The following ATP8A2 variants were observed in gnomAD, a reference collection of about 807,000 sequenced individuals.
The protein encoded by ATP8A2 is ATPase phospholipid transporting 8A2.
A neutral mutation model predicts 165.6 loss-of-function variants in ATP8A2; 100 were observed. The ratio of observed to expected loss-of-function variants is 0.60; its 90% CI spans 0.51 to 0.71. The LOEUF (loss-of-function observed/expected upper bound fraction) is 0.71. Among genes scored for constraint, ATP8A2 ranks in the 30% least tolerant of loss-of-function variants. ATP8A2 has a pLI of 0.00. For missense variants in ATP8A2, 1,227 were observed against 1,479.5 expected, an observed-to-expected ratio of 0.83 and a Z score of 2.80; for synonymous variants, 543 against 548.8, an observed-to-expected ratio of 0.99 and a Z score of 0.15.
At chr13:25,913,791 T>C (rs1566264358) in intron 33 of ATP8A2, among the ~76,000 whole-genome samples, 1 of 152,212 alleles carries the variant, frequency 6.6e-6, no homozygotes, top group Non-Finnish European at 1.5e-5. Context: ...TACAAAGTCT[T>C]TCTGAGCTTC....
chr13:25,669,451 C>T (rs1006477950), intron 24 of ATP8A2, among the ~76,000 whole-genome samples: 2 of 152,248 alleles, frequency 1.3e-5, no homozygotes, highest in African/African-American at 4.8e-5. Flanking sequence ...GTCATTCCCT[C>T]AATGCTAAAC....
intron 24 of ATP8A2, among the ~76,000 whole-genome samples, chr13:25,698,794 T>C (rs192926008): frequency 6.6e-6 from 1 of 152,324 alleles, no homozygotes; most frequent in Non-Finnish European, 1.5e-5. Flanking sequence ...TTGGATGCTT[T>C]AAAGATTATC....
intron 30 of ATP8A2, among the ~76,000 whole-genome samples, chr13:25,854,949 A>G (rs1952115242): frequency 6.6e-6 from 1 of 152,142 alleles, no homozygotes; most frequent in South Asian, 2.1e-4. Flanking sequence ...GAAACCCTAT[A>G]TTCATTAAGA....
At chr13:25,394,590 G>T (rs2137984647) in intron 1 of ATP8A2, among the ~76,000 whole-genome samples, 1 of 152,244 alleles carries the variant, frequency 6.6e-6, no homozygotes, top group Admixed American at 6.5e-5. Flanking sequence ...GATGACATAG[G>T]TCAGATCTAG....
chr13:25,691,366 C>T (rs2042721579), intron 24 of ATP8A2, among the ~76,000 whole-genome samples: 1 of 152,194 alleles, frequency 6.6e-6, no homozygotes. Flanking sequence ...AGCTGATTAA[C>T]AAAAGAGTAT....
chr13:25,998,160 T>G (rs890056809), intron 35 of ATP8A2, among the ~76,000 whole-genome samples: 4 of 152,186 alleles, frequency 2.6e-5, no homozygotes, highest in African/African-American at 4.8e-5. Context: ...TGATTCTCCA[T>G]AAGACCTTTT....
intron 2 of ATP8A2, among the ~76,000 whole-genome samples, chr13:25,516,881 A>G (rs1440206138): frequency 3.3e-5 from 5 of 151,330 alleles, no homozygotes; most frequent in Non-Finnish European, 7.4e-5. Flanking sequence ...TCTGGGTTCA[A>G]GCGATTCTCC....
intron 35 of ATP8A2, among the ~76,000 whole-genome samples, chr13:25,971,757 A>C (rs992231849): frequency 9.2e-5 from 14 of 151,962 alleles, no homozygotes; most frequent in African/African-American, 3.4e-4. Flanking sequence ...AGTTTATCTC[A>C]TTGCTTGAGA....
Position 25,534,704 on chromosome 13 carries a change from A to C in ATP8A2, c.507+1391A>C, listed in dbSNP as rs145582345. ...CATTTAAAATGTATTTACTTGGTTT[A>C]TTTCAGTGGAGCTCCTGGCATGTGC... On this transcript the variant is annotated intron_variant, in intron 6 of 36. Transcript: ENST00000381655. Among the ~76,000 whole-genome samples, 564 of 152,326 alleles carry C rather than the reference A, an allele frequency of 3.7e-3. 1 individual carries two copies. The highest frequency in any genetic ancestry group is 0.012 in the African/African-American group (491 of 41,570).
At chr13:25,723,879 G>C (rs141898842) in intron 25 of ATP8A2, among the ~76,000 whole-genome samples, 1 of 152,144 alleles carries the variant, frequency 6.6e-6, no homozygotes, top group Non-Finnish European at 1.5e-5. Flanking sequence ...TTAAATCTGG[G>C]TGGAGAGAAC....
intron 1 of ATP8A2, among the ~76,000 whole-genome samples, chr13:25,409,775 A>C (rs1566111719): frequency 6.6e-6 from 1 of 152,138 alleles, no homozygotes; most frequent in South Asian, 2.1e-4. Flanking sequence ...TACTGCAATG[A>C]CACCATAATT....
chr13:25,541,950 G>C lies in ATP8A2; in HGVS notation c.683G>C (p.Arg228Pro), dbSNP rs754404686. The C allele has an allele frequency of 6.2e-7, 1 of 1,614,060 alleles. No individual in the cohort carries two copies. Among genetic ancestry groups the C allele is most frequent in the Non-Finnish European group, 8.5e-7 (1 of 1,179,960 alleles). ...GLSHTADMQTREVLMKLSGTI... is the reference protein window; with the variant it reads ...GLSHTADMQTPEVLMKLSGTI... ...AGTCACACTGCTGACATGCAAACACGTGAAGTTCTGATGAAGTTATCTGGA... is the reference window on the plus strand; with the variant it reads ...AGTCACACTGCTGACATGCAAACACCTGAAGTTCTGATGAAGTTATCTGGA... The change falls in exon 9 of 37, where the codon CGT (arginine) becomes CCT (proline). Residue 228 changes from arginine to proline, a missense_variant. Transcript: ENST00000381655.
intron 27 of ATP8A2, among the ~76,000 whole-genome samples, chr13:25,779,680 A>T (rs1420328752): frequency 6.6e-6 from 1 of 152,156 alleles, no homozygotes; most frequent in Non-Finnish European, 1.5e-5. Flanking sequence ...ACTTACATGT[A>T]ATTTTGTAGT....
At chr13:25,805,737 C>T (rs1043435604) in intron 27 of ATP8A2, among the ~76,000 whole-genome samples, 9 of 152,072 alleles carry the variant, frequency 5.9e-5, no homozygotes, top group South Asian at 4.2e-4. Context: ...GCACATGGCA[C>T]TTAATTTTGA....
chr13:25,425,225 TC>T (rs1294497340), intron 1 of ATP8A2, among the ~76,000 whole-genome samples: 1 of 152,166 alleles, frequency 6.6e-6, no homozygotes, highest in East Asian at 1.9e-4. Flanking sequence ...GCACTTGGGT[TC>T]CATTACTGCT....
At chr13:25,463,375 A>T (rs1005007262) in intron 1 of ATP8A2, among the ~76,000 whole-genome samples, 3 of 151,962 alleles carry the variant, frequency 2.0e-5, no homozygotes, top group African/African-American at 7.2e-5. Flanking sequence ...TATTTAGTTT[A>T]TGCTTTTATG....
chr13:25,435,272 C>T (rs938363066), intron 1 of ATP8A2, among the ~76,000 whole-genome samples: 5 of 151,820 alleles, frequency 3.3e-5, no homozygotes, highest in Non-Finnish European at 7.4e-5. Flanking sequence ...AGGCACCCAC[C>T]ACCATACCTG....
intron 33 of ATP8A2, among the ~76,000 whole-genome samples, chr13:25,960,878 C>T (rs7334398): frequency 0.072 from 10,942 of 152,190 alleles, 534 homozygotes; most frequent in African/African-American, 0.14. Flanking sequence ...TGCTGCTCTC[C>T]CCTGTCCTTT....
At chr13:25,759,629 A>G (rs2044339133) in intron 25 of ATP8A2, among the ~76,000 whole-genome samples, 1 of 152,166 alleles carries the variant, frequency 6.6e-6, no homozygotes. Context: ...TGTGCTAAAA[A>G]CATTAAGGTA....
Sources: allele counts gnomAD v4.1 joint callset (sites outside exome capture counted in the v4.1 genomes callset), GRCh38; gene constraint gnomAD v4.1.1; transcripts MANE v1.5; gene names NCBI Gene and HGNC (gene_info 2026-07-23, HGNC 2026-07-21).